VPS13A: variants seen among roughly 807,000 people sequenced by gnomAD.
The protein encoded by VPS13A is intermembrane lipid transfer protein VPS13A.
Under a neutral mutation model 390.9 loss-of-function variants are expected in VPS13A, and 264 were observed. The observed-to-expected ratio is 0.68, with a 90% CI of 0.61 to 0.75. The LOEUF (loss-of-function observed/expected upper bound fraction) is 0.75, where lower values mean the gene tolerates loss of function less well. Ranked by LOEUF, VPS13A falls within the 30% of genes least tolerant of loss-of-function variation. VPS13A has a pLI of 0.00. For missense variants in VPS13A, 3,409 were observed against 3,733.9 expected, an observed-to-expected ratio of 0.91 and a Z score of 2.27; for synonymous variants, 1,231 against 1,227.1, an observed-to-expected ratio of 1.00 and a Z score of -0.07.
At chr9:77,312,158 T>A (rs1038179710) in intron 35 of VPS13A, among the ~76,000 whole-genome samples, 5 of 152,066 alleles carry the variant, frequency 3.3e-5, no homozygotes, top group Admixed American at 2.6e-4. Context: ...ATAAAAATAA[T>A]AGAATCCAAC....
chr9:77,319,065 C>T (rs1010629691), intron 41 of VPS13A, among the ~76,000 whole-genome samples: 1 of 151,714 alleles, frequency 6.6e-6, no homozygotes, highest in African/African-American at 2.4e-5. Flanking sequence ...TGGTGGCTCA[C>T]ACCTGTAGTC....
chr9:77,297,711 A>G (rs1828099756), intron 33 of VPS13A, among the ~76,000 whole-genome samples: 4 of 151,998 alleles, frequency 2.6e-5, no homozygotes, highest in Admixed American at 2.0e-4. Flanking sequence ...GCTAAGAATA[A>G]GAAATATAAT....
intron 68 of VPS13A, among the ~76,000 whole-genome samples, chr9:77,399,566 C>T (rs1037587441): frequency 6.6e-6 from 1 of 152,138 alleles, no homozygotes; most frequent in Non-Finnish European, 1.5e-5. Flanking sequence ...TATGTAGGCT[C>T]TTGAATTCTA....
chr9:77,186,108 A>T (rs572361721), intron 1 of VPS13A, among the ~76,000 whole-genome samples: 1 of 152,218 alleles, frequency 6.6e-6, no homozygotes, highest in South Asian at 2.1e-4. Context: ...ACAGTGCGAA[A>T]CTCTGTCTCA....
intron 68 of VPS13A, 88 bp downstream of exon 68, chr9:77,382,175 T>C: frequency 3.0e-6 from 4 of 1,326,930 alleles, no homozygotes; most frequent in Non-Finnish European, 4.1e-6. Flanking sequence ...TTAAATTATT[T>C]GGGCTTTTAT....
chr9:77,228,251 G>A lies in VPS13A; in HGVS notation c.1582G>A (p.Ala528Thr). The A allele has an allele frequency of 6.3e-7, 1 of 1,597,136 alleles. No homozygotes were observed. The highest frequency in any genetic ancestry group is 8.5e-7 in the Non-Finnish European group (1 of 1,171,024). The change falls in exon 17 of 72, where the codon GCA becomes ACA. Residue 528 changes from alanine to threonine, a missense_variant. This residue lies in a region of VPS13A where 2,717 missense variants were observed against 2,917.4 expected (regional missense o/e 0.93). Transcript: ENST00000360280. ...FSTLIVQRPG[A>T]QAIKFETKID... ...CACCTTAATTGTGCAAAGACCAGGAGCACAAGCAATAAAGTAAGTATTAAT... is the reference window on the plus strand; with the variant it reads ...CACCTTAATTGTGCAAAGACCAGGAACACAAGCAATAAAGTAAGTATTAAT...
At chr9:77,247,232 T>C (rs780590446) in intron 19 of VPS13A, 27 bp from the exon 20 acceptor site, 10 of 1,522,448 alleles carry the variant, frequency 6.6e-6, no homozygotes, top group Non-Finnish European at 8.9e-6. Flanking sequence ...TGAAAAGTAT[T>C]CATAGAAAAG....
At chr9:77,326,408 C>G (rs574452094) in intron 45 of VPS13A, among the ~76,000 whole-genome samples, 4 of 152,172 alleles carry the variant, frequency 2.6e-5, no homozygotes, top group African/African-American at 9.6e-5. Flanking sequence ...TTTGAACTTG[C>G]CCCACAGCTC....
chr9:77,279,178 CAT>C (rs745424938), intron 26 of VPS13A, among the ~76,000 whole-genome samples: 2 of 152,158 alleles, frequency 1.3e-5, no homozygotes, highest in Non-Finnish European at 2.9e-5. Flanking sequence ...AATTGGATGA[CAT>C]GTGGGCTGGA....
chr9:77,417,530 T>C lies in VPS13A; in HGVS notation c.*1524T>C, dbSNP rs1374433856. 2.6e-5 allele frequency: 4 copies of C among 151,668 alleles called. No homozygotes were observed. The highest frequency in any genetic ancestry group is 1.5e-5 in the Non-Finnish European group (1 of 67,944). 9.4% of individuals were successfully genotyped at this position (151,668 alleles called of 1,614,324 possible). ...AAAATCACATGAAAGTGTGTTTCCATGTTGACCTTTGTTTAAAAAAAAAAA... is the reference window on the plus strand; with the variant it reads ...AAAATCACATGAAAGTGTGTTTCCACGTTGACCTTTGTTTAAAAAAAAAAA... On this transcript the variant is annotated 3_prime_UTR_variant, in exon 72 of 72. Transcript: ENST00000360280.
At position 77,332,038 on chromosome 9, in the gene VPS13A, C is replaced by T; in HGVS notation, c.6020C>T (p.Ser2007Phe). 6.2e-7 allele frequency: 1 copy of T among 1,611,246 alleles called. No homozygotes were observed. Residue 2007 changes from serine (S) to phenylalanine (F), a missense_variant, in exon 46 of 72, where the codon TCT becomes TTT. By Grantham distance (155) the Ser-to-Phe change is radical. This residue lies in a region of VPS13A where 2,717 missense variants were observed against 2,917.4 expected (regional missense o/e 0.93). Transcript: ENST00000360280. Reference protein sequence around the residue: ...QIRNHFSVPLSVYEGDTLLGT... With the variant: ...QIRNHFSVPLFVYEGDTLLGT... Reference sequence around the variant, plus strand: ...AGAAATCATTTTTCAGTCCCACTGTCTGTTTACGAAGGGGATACCTTATTG... The same window carrying T: ...AGAAATCATTTTTCAGTCCCACTGTTTGTTTACGAAGGGGATACCTTATTG...
At chr9:77,384,159 T>A (rs1833578353) in intron 68 of VPS13A, among the ~76,000 whole-genome samples, 1 of 151,746 alleles carries the variant, frequency 6.6e-6, no homozygotes, top group Non-Finnish European at 1.5e-5. Context: ...TTTCTCATGT[T>A]ATTTTCTTAT....
chr9:77,368,181 G>T, intron 62 of VPS13A, 45 bp downstream of exon 62: 1 of 1,501,180 alleles, frequency 6.7e-7, no homozygotes, highest in South Asian at 1.2e-5. Flanking sequence ...GATACAGACT[G>T]GTAAAACCTT....
chr9:77,309,418 C>T (rs891720183), intron 35 of VPS13A, among the ~76,000 whole-genome samples: 1 of 152,142 alleles, frequency 6.6e-6, no homozygotes, highest in African/African-American at 2.4e-5. Context: ...AAGTATAGTA[C>T]TCTCCTTTTA....
intron 71 of VPS13A, among the ~76,000 whole-genome samples, chr9:77,410,765 C>T (rs1834881464): frequency 6.6e-6 from 1 of 152,032 alleles, no homozygotes; most frequent in Non-Finnish European, 1.5e-5. Context: ...ATATATGCAC[C>T]CAATACAGGA....
chr9:77,243,538 T>G (rs1479423762), intron 19 of VPS13A, among the ~76,000 whole-genome samples: 1 of 152,238 alleles, frequency 6.6e-6, no homozygotes, highest in African/African-American at 2.4e-5. Context: ...AGTTATCCTT[T>G]GTCTCTGGCA....
chr9:77,396,348 T>C (rs922761075), intron 68 of VPS13A, among the ~76,000 whole-genome samples: 1 of 152,156 alleles, frequency 6.6e-6, no homozygotes, highest in South Asian at 2.1e-4. Flanking sequence ...ATACCTATGG[T>C]TTTGCTGACA....
At chr9:77,187,778 A>G (rs943203488) in intron 1 of VPS13A, among the ~76,000 whole-genome samples, 1 of 151,920 alleles carries the variant, frequency 6.6e-6, no homozygotes, top group Non-Finnish European at 1.5e-5. Flanking sequence ...ATTGTGTGTC[A>G]CTGGGGTTTG....
chr9:77,268,648 G>A (rs1389057600), intron 23 of VPS13A, among the ~76,000 whole-genome samples: 2 of 152,110 alleles, frequency 1.3e-5, no homozygotes, highest in Admixed American at 6.6e-5. Context: ...CTGTTAGAGA[G>A]TATGTTACTA....
Sources: gnomAD v4.1 joint callset for allele counts (sites outside exome capture counted in the v4.1 genomes callset) on GRCh38, gnomAD v4.1.1 for gene constraint, gnomAD v4.1.1 regional missense constraint, MANE v1.5 for transcripts, NCBI Gene and HGNC (gene_info 2026-07-23, HGNC 2026-07-21) for gene names.